The following PLCB4 variants were observed in gnomAD, a reference collection of about 807,000 sequenced individuals.
PLCB4 encodes the protein 1-phosphatidylinositol 4,5-bisphosphate phosphodiesterase beta-4.
PLCB4 carries 77 observed loss-of-function variants against 178.8 expected under a neutral mutation model. The observed-to-expected ratio is 0.43, with a 90% CI of 0.36 to 0.52. The LOEUF (loss-of-function observed/expected upper bound fraction) is 0.52. PLCB4 is among the 20% of genes least tolerant of loss of function. The pLI is 0.00. For missense variants in PLCB4, 1,024 were observed against 1,453.4 expected (o/e 0.70, Z 4.80); for synonymous variants, 496 against 490.8 (o/e 1.01, Z -0.14).
intron 25 of PLCB4, among the ~76,000 whole-genome samples, chr20:9,419,215 A>G (rs2040458514): frequency 6.6e-6 from 1 of 152,144 alleles, no homozygotes; most frequent in South Asian, 2.1e-4. Flanking sequence ...ATTTTCACCT[A>G]CCTCTAGCTG....
At chr20:9,244,143 G>A (rs2224361) in intron 3 of PLCB4, among the ~76,000 whole-genome samples, 147,724 of 152,192 alleles carry the variant, frequency 0.97, 71,735 homozygotes, top group East Asian at 1. Context: ...ATGTTATTCT[G>A]TGGTCGTATT....
intron 3 of PLCB4, among the ~76,000 whole-genome samples, chr20:9,219,612 G>A (rs1013295117): frequency 6.6e-6 from 1 of 152,148 alleles, no homozygotes; most frequent in Non-Finnish European, 1.5e-5. Context: ...CTTATGTTAC[G>A]CTTGCCTTTC....
chr20:9,212,796 A>C (rs375704359), intron 2 of PLCB4, among the ~76,000 whole-genome samples: 2 of 152,318 alleles, frequency 1.3e-5, no homozygotes, highest in East Asian at 3.9e-4. Flanking sequence ...ATTTTTGGAA[A>C]AAGCTGACTG....
At chr20:9,293,731 C>G (rs1200220361) in intron 3 of PLCB4, among the ~76,000 whole-genome samples, 3 of 152,122 alleles carry the variant, frequency 2.0e-5, no homozygotes, top group Non-Finnish European at 4.4e-5. Flanking sequence ...AGTGATGATA[C>G]AGATAAACAA....
intron 28 of PLCB4, among the ~76,000 whole-genome samples, chr20:9,430,087 T>C (rs186589345): frequency 6.6e-6 from 1 of 151,930 alleles, no homozygotes; most frequent in African/African-American, 2.4e-5. Flanking sequence ...TAAATAAAAT[T>C]TAAAAAATAA....
At chr20:9,413,725 C>T (rs1488198135) in intron 25 of PLCB4, among the ~76,000 whole-genome samples, 1 of 151,496 alleles carries the variant, frequency 6.6e-6, no homozygotes, top group African/African-American at 2.4e-5. Context: ...TTCTGCTTAG[C>T]CATTATTAGC....
At chr20:9,195,795 A>G (rs1055406107) in intron 2 of PLCB4, among the ~76,000 whole-genome samples, 72 of 152,248 alleles carry the variant, frequency 4.7e-4, no homozygotes, top group African/African-American at 1.6e-3. Flanking sequence ...ATCTCAGTTT[A>G]TATATATCTC....
At chr20:9,289,737 G>T (rs1361588769) in intron 3 of PLCB4, among the ~76,000 whole-genome samples, 1 of 151,994 alleles carries the variant, frequency 6.6e-6, no homozygotes, top group African/African-American at 2.4e-5. Context: ...AGACAATGAG[G>T]GTGTTCGGTC....
intron 35 of PLCB4, among the ~76,000 whole-genome samples, chr20:9,466,767 A>T (rs1445093647): frequency 6.6e-6 from 1 of 152,230 alleles, no homozygotes; most frequent in Non-Finnish European, 1.5e-5. Flanking sequence ...ATCATTAAAA[A>T]GTCAGGAAAC....
At chr20:9,305,438 G>A (rs928448635) in intron 3 of PLCB4, among the ~76,000 whole-genome samples, 1 of 151,642 alleles carries the variant, frequency 6.6e-6, no homozygotes, top group African/African-American at 2.4e-5. Flanking sequence ...ACTTCCCTTT[G>A]TCTCATACTT....
chr20:9,200,874 G>T (rs564599455), intron 2 of PLCB4, among the ~76,000 whole-genome samples: 3 of 151,962 alleles, frequency 2.0e-5, no homozygotes, highest in Non-Finnish European at 4.4e-5. Context: ...CCCCCAGCTT[G>T]CTAGGAATGC....
chr20:9,337,789 CTATA>C (rs1196287941), intron 5 of PLCB4, among the ~76,000 whole-genome samples: 1 of 151,920 alleles, frequency 6.6e-6, no homozygotes, highest in African/African-American at 2.4e-5. Flanking sequence ...ATATATATGT[CTATA>C]TGTATGTATA....
chr20:9,254,337 T>C (rs1351014781), intron 3 of PLCB4, among the ~76,000 whole-genome samples: 2 of 152,246 alleles, frequency 1.3e-5, no homozygotes, highest in Non-Finnish European at 2.9e-5. Flanking sequence ...AATCCTATGA[T>C]AAAAATGTCT....
intron 2 of PLCB4, among the ~76,000 whole-genome samples, chr20:9,142,349 T>C (rs1190965251): frequency 6.6e-6 from 1 of 152,066 alleles, no homozygotes; most frequent in African/African-American, 2.4e-5. Context: ...TGATCACCAG[T>C]ACAAAGATTG....
rs139818685 is a variant in PLCB4 at position 9,399,713 on chromosome 20, G to T, written c.1511-1777G>T. On this transcript the variant is annotated intron_variant, in intron 19 of 39. Coordinates refer to ENST00000378473, the MANE Select transcript of PLCB4 (RefSeq NM_001377142.1). ...GTATTCATACAATTCTCTTAAGGTG[G>T]TTAGTAAGTCTCCACCACTTGTTTG... 1.4e-4 allele frequency among the ~76,000 whole-genome samples: 22 copies of T among 152,348 alleles called. No homozygotes were observed. In the East Asian group the frequency reaches 3.1e-3, roughly 21 times the overall value.
rs184280155 is a variant in PLCB4, at chr20:9,332,745, C to T, written c.85-4381C>T. On this transcript the variant is annotated intron_variant, in intron 4 of 39. Coordinates refer to ENST00000378473, the MANE Select transcript of PLCB4 (RefSeq NM_001377142.1). ...AGCCCAGAGCCAAGTTGCTATCCTGCTATAACTGTGTAGGACCTTATGACA... is the reference window on the plus strand; with the variant it reads ...AGCCCAGAGCCAAGTTGCTATCCTGTTATAACTGTGTAGGACCTTATGACA... Among the ~76,000 whole-genome samples the T allele has an allele frequency of 2.8e-3, 421 of 152,296 alleles. 2 individuals are homozygous for T. Among genetic ancestry groups the T allele is most frequent in the African/African-American group, 9.7e-3 (403 of 41,570 alleles).
intron 4 of PLCB4, among the ~76,000 whole-genome samples, chr20:9,308,391 G>A (rs1286511484): frequency 6.6e-6 from 1 of 152,156 alleles, no homozygotes; most frequent in African/African-American, 2.4e-5. Flanking sequence ...GCCCTTGCAA[G>A]GTGGTGATGA....
At chr20:9,318,153 T>C (rs1180263056) in intron 4 of PLCB4, among the ~76,000 whole-genome samples, 1 of 151,222 alleles carries the variant, frequency 6.6e-6, no homozygotes, top group East Asian at 1.9e-4. Context: ...AGATTCTGTC[T>C]CAAAAAAAAA....
At chr20:9,477,800 G>T (rs1008467797) in intron 39 of PLCB4, among the ~76,000 whole-genome samples, 1 of 152,160 alleles carries the variant, frequency 6.6e-6, no homozygotes, top group African/African-American at 2.4e-5. Flanking sequence ...GGAAATCACA[G>T]TATAGTCTGT....
Sources: gnomAD v4.1 joint callset for allele counts (sites outside exome capture counted in the v4.1 genomes callset) on GRCh38, gnomAD v4.1.1 for gene constraint, MANE v1.5 for transcripts, NCBI Gene and HGNC (gene_info 2026-07-23, HGNC 2026-07-21) for gene names.